The following LRFN5 variants were observed in gnomAD, a reference collection of about 807,000 sequenced individuals.
LRFN5 encodes the protein leucine rich repeat and fibronectin type III domain containing 5.
In LRFN5, 24 loss-of-function variants were observed where a neutral mutation model predicts 45.6. That is an observed-to-expected ratio of 0.53 (90% confidence interval 0.38 to 0.74). The LOEUF (loss-of-function observed/expected upper bound fraction) is 0.74, where lower values mean the gene tolerates loss of function less well. Among genes scored for constraint, LRFN5 ranks in the 30% least tolerant of loss-of-function variants. LRFN5 has a pLI of 0.00. For missense variants in LRFN5, 776 were observed against 861.5 expected, an observed-to-expected ratio of 0.90 and a Z score of 1.24; for synonymous variants, 340 against 313.8, an observed-to-expected ratio of 1.08 and a Z score of -0.88.
intron 1 of LRFN5, among the ~76,000 whole-genome samples, chr14:41,697,698 T>A (rs187394428): frequency 1.3e-5 from 2 of 151,880 alleles, no homozygotes; most frequent in East Asian, 3.9e-4. Context: ...TTCCATCTAT[T>A]TATTTTCAAC....
intron 2 of LRFN5, among the ~76,000 whole-genome samples, chr14:41,796,687 A>G (rs977189967): frequency 4.0e-4 from 61 of 151,916 alleles, no homozygotes; most frequent in Admixed American, 2.6e-4. Context: ...CTATAAAACT[A>G]CATATTATAG....
rs770185435 is a variant in LRFN5, at chr14:41,855,542, G to A, written c.-20-31064G>A. Reference sequence around the variant, plus strand: ...TTTTATACAGTTGGACAAGAATGTCGTAGGTACTGGGGTGTATTTTTGTCT... The same window carrying A: ...TTTTATACAGTTGGACAAGAATGTCATAGGTACTGGGGTGTATTTTTGTCT... On this transcript the variant is annotated intron_variant, in intron 2 of 5. Transcript: ENST00000298119. 3.3e-5 allele frequency among the ~76,000 whole-genome samples: 5 copies of A among 152,198 alleles called. 1 individual carries two copies. In the South Asian group the frequency reaches 6.2e-4, roughly 19 times the overall value.
chr14:41,871,421 C>G (rs1890015079), intron 2 of LRFN5, among the ~76,000 whole-genome samples: 1 of 151,994 alleles, frequency 6.6e-6, no homozygotes, highest in Admixed American at 6.6e-5. Context: ...AACCCCATCT[C>G]TACTAAAAAA....
intron 1 of LRFN5, among the ~76,000 whole-genome samples, chr14:41,645,935 G>A (rs1337948642): frequency 6.6e-6 from 1 of 152,062 alleles, no homozygotes; most frequent in African/African-American, 2.4e-5. Context: ...TAACCCTTCA[G>A]TCAACACAAA....
intron 2 of LRFN5, among the ~76,000 whole-genome samples, chr14:41,788,945 A>G (rs1594710399): frequency 6.6e-6 from 1 of 152,128 alleles, no homozygotes; most frequent in South Asian, 2.1e-4. Flanking sequence ...AGAACTTGAA[A>G]GGGTTGAGGA....
At chr14:41,675,410 G>A (rs889564840) in intron 1 of LRFN5, among the ~76,000 whole-genome samples, 2 of 152,238 alleles carry the variant, frequency 1.3e-5, no homozygotes, top group African/African-American at 2.4e-5. Flanking sequence ...AGACCAGCCC[G>A]GCCAACACAG....
chr14:41,632,084 G>A (rs577218104), intron 1 of LRFN5, among the ~76,000 whole-genome samples: 3 of 152,072 alleles, frequency 2.0e-5, no homozygotes, highest in Non-Finnish European at 4.4e-5. Flanking sequence ...CAGAGTTCTG[G>A]CGTAGGAAGT....
chr14:41,674,080 C>A (rs1261823723), intron 1 of LRFN5, among the ~76,000 whole-genome samples: 4 of 149,400 alleles, frequency 2.7e-5, no homozygotes, highest in African/African-American at 9.9e-5. Flanking sequence ...GGGGGCTGAC[C>A]CCCCCACCTC....
At chr14:41,663,083 A>G (rs1042414995) in intron 1 of LRFN5, among the ~76,000 whole-genome samples, 2 of 152,130 alleles carry the variant, frequency 1.3e-5, no homozygotes. Flanking sequence ...GTTTACATGC[A>G]GTTTAATCTA....
At chr14:41,691,228 C>G (rs1398364476) in intron 1 of LRFN5, among the ~76,000 whole-genome samples, 2 of 151,852 alleles carry the variant, frequency 1.3e-5, no homozygotes, top group Admixed American at 6.6e-5. Flanking sequence ...AATCATTTTT[C>G]TGTTCTGACA....
intron 2 of LRFN5, among the ~76,000 whole-genome samples, chr14:41,824,753 CT>C (rs1030148328): frequency 3.3e-5 from 5 of 152,072 alleles, no homozygotes; most frequent in Non-Finnish European, 7.4e-5. Context: ...CCTGAGTTTC[CT>C]TCTTAGCCTT....
chr14:41,674,779 G>C (rs868210653), intron 1 of LRFN5, among the ~76,000 whole-genome samples: 4 of 149,722 alleles, frequency 2.7e-5, no homozygotes, highest in Middle Eastern at 7.2e-3. Context: ...GGTGGCTGCC[G>C]GGCGGAGAGG....
intron 1 of LRFN5, among the ~76,000 whole-genome samples, chr14:41,619,868 G>A (rs1018725305): frequency 6.6e-5 from 10 of 152,030 alleles, no homozygotes; most frequent in Non-Finnish European, 1.2e-4. Context: ...GTTGTGAAGA[G>A]TCAGTGAAAT....
intron 1 of LRFN5, among the ~76,000 whole-genome samples, chr14:41,654,742 G>T (rs564950360): frequency 6.6e-6 from 1 of 151,946 alleles, no homozygotes; most frequent in Non-Finnish European, 1.5e-5. Context: ...TGTTCTCTAG[G>T]TTTATCAGTG....
chr14:41,814,931 A>G (rs1887865148), intron 2 of LRFN5, among the ~76,000 whole-genome samples: 1 of 152,172 alleles, frequency 6.6e-6, no homozygotes. Context: ...GCAGAAGAGC[A>G]TTTTAGATTA....
intron 1 of LRFN5, among the ~76,000 whole-genome samples, chr14:41,696,504 A>T (rs1003521066): frequency 3.8e-5 from 5 of 131,174 alleles, no homozygotes; most frequent in African/African-American, 1.5e-4. Flanking sequence ...TGCCACAGTC[A>T]CTTTACCCTT....
intron 5 of LRFN5, among the ~76,000 whole-genome samples, chr14:41,901,067 C>G (rs113389652): frequency 0.01 from 1,591 of 151,840 alleles, 26 homozygotes; most frequent in African/African-American, 0.037. Flanking sequence ...TTTTTAGAAG[C>G]CTTTAGGAAT....
chr14:41,843,311 C>T (rs1017941686), intron 2 of LRFN5, among the ~76,000 whole-genome samples: 5 of 151,898 alleles, frequency 3.3e-5, no homozygotes, highest in East Asian at 3.9e-4. Flanking sequence ...CCATGGTGGT[C>T]GTGAACTCCT....
chr14:41,732,421 C>T (rs1202876187), intron 1 of LRFN5, among the ~76,000 whole-genome samples: 2 of 151,974 alleles, frequency 1.3e-5, no homozygotes, highest in African/African-American at 4.8e-5. Context: ...TTTTGGGAGC[C>T]AGACATTGAT....
Sources: gnomAD v4.1 joint callset for allele counts (sites outside exome capture counted in the v4.1 genomes callset) on GRCh38, gnomAD v4.1.1 for gene constraint, MANE v1.5 for transcripts, NCBI Gene and HGNC (gene_info 2026-07-23, HGNC 2026-07-21) for gene names.